ATP13A4: variants seen among roughly 807,000 people sequenced by gnomAD.
ATP13A4 encodes the protein ATPase 13A4, also known as probable cation-transporting ATPase 13A4.
Under a neutral mutation model 142.5 loss-of-function variants are expected in ATP13A4, and 114 were observed. The ratio of observed to expected loss-of-function variants is 0.80; its 90% confidence interval spans 0.69 to 0.93. The LOEUF is 0.93. Among genes scored for constraint, ATP13A4 ranks in the 40% least tolerant of loss-of-function variants. The probability of loss-of-function intolerance (pLI) is 0.00; values close to 1 mark genes in which losing one functional copy is unlikely to be tolerated. For missense variants in ATP13A4, 1,392 were observed against 1,454.0 expected (o/e 0.96, Z 0.69); for synonymous variants, 488 against 514.8 (o/e 0.95, Z 0.70).
chr3:193,483,855 C>T, intron 8 of ATP13A4, 81 bp downstream of exon 8: 4 of 1,119,154 alleles, frequency 3.6e-6, no homozygotes, highest in Non-Finnish European at 4.1e-6. Flanking sequence ...ATGGGAATAA[C>T]AGCAGCAATC....
chr3:193,525,314 C>A (rs1333513936), intron 1 of ATP13A4, among the ~76,000 whole-genome samples: 1 of 152,166 alleles, frequency 6.6e-6, no homozygotes, highest in Non-Finnish European at 1.5e-5. Context: ...AATTCTCAAA[C>A]AAGGACATAC....
At chr3:193,477,485 T>C (rs898633915) in intron 8 of ATP13A4, among the ~76,000 whole-genome samples, 4 of 152,012 alleles carry the variant, frequency 2.6e-5, no homozygotes, top group Non-Finnish European at 5.9e-5. Flanking sequence ...ATTATATTTT[T>C]AAAAGGTAAA....
intron 1 of ATP13A4, among the ~76,000 whole-genome samples, chr3:193,519,943 C>A (rs571559864): frequency 1.3e-5 from 2 of 152,186 alleles, no homozygotes; most frequent in Non-Finnish European, 2.9e-5. Context: ...CCGCACCTGG[C>A]CTGCAATTTC....
chr3:193,515,554 A>G (rs1721360080), intron 1 of ATP13A4, among the ~76,000 whole-genome samples: 2 of 152,162 alleles, frequency 1.3e-5, no homozygotes, highest in African/African-American at 2.4e-5. Context: ...TTATGTCAAG[A>G]GGAAAACACC....
At chr3:193,562,449 C>T (rs1027661999) in intron 2 of ATP13A4, among the ~76,000 whole-genome samples, 2 of 151,922 alleles carry the variant, frequency 1.3e-5, no homozygotes, top group South Asian at 2.1e-4. Context: ...TCTGTGTGTG[C>T]GATGTAATAT....
At chr3:193,478,352 G>T (rs921521456) in intron 8 of ATP13A4, among the ~76,000 whole-genome samples, 1 of 151,500 alleles carries the variant, frequency 6.6e-6, no homozygotes, top group East Asian at 1.9e-4. Context: ...TCTTTGAAAA[G>T]ATAAATAAAA....
At chr3:193,439,572 G>A (rs189208161) in intron 21 of ATP13A4, among the ~76,000 whole-genome samples, 2 of 152,290 alleles carry the variant, frequency 1.3e-5, no homozygotes, top group African/African-American at 2.4e-5. Flanking sequence ...TAGCATGAGA[G>A]GAAATCCATC....
intron 2 of ATP13A4, among the ~76,000 whole-genome samples, chr3:193,569,069 C>T (rs922273591): frequency 3.9e-5 from 6 of 152,144 alleles, no homozygotes; most frequent in African/African-American, 1.4e-4. Context: ...AAAAGAGAAG[C>T]TTTACAGTGG....
intron 5 of ATP13A4, among the ~76,000 whole-genome samples, chr3:193,491,778 T>C (rs1719958967): frequency 6.6e-6 from 1 of 152,188 alleles, no homozygotes; most frequent in South Asian, 2.1e-4. Flanking sequence ...TAAGAGAAAT[T>C]ACTTTTATTG....
At chr3:193,481,187 G>A (rs772847973) in intron 8 of ATP13A4, among the ~76,000 whole-genome samples, 17 of 152,152 alleles carry the variant, frequency 1.1e-4, no homozygotes, top group Non-Finnish European at 2.4e-4. Flanking sequence ...CACTGCTCAG[G>A]TGATGGCTGC....
chr3:193,460,586 T>C (rs1431263401), intron 13 of ATP13A4, among the ~76,000 whole-genome samples: 1 of 152,234 alleles, frequency 6.6e-6, no homozygotes, highest in Non-Finnish European at 1.5e-5. Flanking sequence ...CCAATGGTAT[T>C]TTAGTAAATA....
At chr3:193,453,862 T>G (rs1170479188) in intron 17 of ATP13A4, among the ~76,000 whole-genome samples, 2 of 152,200 alleles carry the variant, frequency 1.3e-5, no homozygotes, top group African/African-American at 4.8e-5. Flanking sequence ...TATGACTATT[T>G]CTCATAAAAT....
intron 5 of ATP13A4, among the ~76,000 whole-genome samples, chr3:193,492,322 G>T (rs1719987645): frequency 6.6e-6 from 1 of 152,074 alleles, no homozygotes; most frequent in African/African-American, 2.4e-5. Context: ...CTATGATTGG[G>T]AAACAAAGGT....
chr3:193,500,658 C>T (rs779045376), intron 3 of ATP13A4, among the ~76,000 whole-genome samples: 10 of 152,304 alleles, frequency 6.6e-5, no homozygotes, highest in Middle Eastern at 3.4e-3. Context: ...AGGTAATGCT[C>T]GCCGGCTTGC....
At chr3:193,577,453 CA>C (rs745466679) in intron 2 of ATP13A4, among the ~76,000 whole-genome samples, 6 of 152,168 alleles carry the variant, frequency 3.9e-5, no homozygotes, top group Non-Finnish European at 5.9e-5. Flanking sequence ...AAATCCAGCT[CA>C]AAACTCACAG....
At chr3:193,432,898 G>A (rs1481109195) in intron 25 of ATP13A4, among the ~76,000 whole-genome samples, 2 of 152,100 alleles carry the variant, frequency 1.3e-5, no homozygotes, top group Non-Finnish European at 2.9e-5. Context: ...ATGGATACAT[G>A]TCATTATACA....
intron 2 of ATP13A4, among the ~76,000 whole-genome samples, chr3:193,561,134 C>G (rs575528749): frequency 6.6e-6 from 1 of 152,302 alleles, no homozygotes; most frequent in East Asian, 1.9e-4. Flanking sequence ...CACAGGGGAC[C>G]TCAGGCTTGG....
At chr3:193,508,706 G>A (rs551087404) in intron 2 of ATP13A4, among the ~76,000 whole-genome samples, 6 of 152,276 alleles carry the variant, frequency 3.9e-5, no homozygotes, top group African/African-American at 1.4e-4. Flanking sequence ...ATGGGACTGA[G>A]TTGGGGAGTG....
At chr3:193,543,486 CTAAGAA>C (rs963838573) in intron 1 of ATP13A4, among the ~76,000 whole-genome samples, 1 of 152,152 alleles carries the variant, frequency 6.6e-6, no homozygotes, top group African/African-American at 2.4e-5. Context: ...GCAGAAACCA[CTAAGAA>C]TAAGTAAGCA....
Sources: allele counts gnomAD v4.1 joint callset (sites outside exome capture counted in the v4.1 genomes callset), GRCh38; gene constraint gnomAD v4.1.1; transcripts MANE v1.5; gene names NCBI Gene and HGNC (gene_info 2026-07-23, HGNC 2026-07-21).